NISCH: variants seen among roughly 807,000 people sequenced by gnomAD.
The protein encoded by NISCH is nischarin, also known as I-1 receptor candidate protein.
NISCH carries 55 observed loss-of-function variants against 138.4 expected under a neutral mutation model. The observed-to-expected ratio is 0.40, with a 90% CI of 0.32 to 0.50. The LOEUF (loss-of-function observed/expected upper bound fraction) is 0.50, where lower values mean the gene tolerates loss of function less well. NISCH is among the 20% of genes least tolerant of loss of function. The pLI, the probability that NISCH is intolerant of heterozygous loss-of-function variation, is 0.71. For synonymous variants in NISCH, 860 were observed against 861.5 expected (o/e 1.00, Z 0.03); for missense variants, 1,643 against 2,005.5 (o/e 0.82, Z 3.45).
intron 6 of NISCH, 58 bp downstream of exon 6, chr3:52,472,456 T>C: frequency 6.9e-7 from 1 of 1,453,354 alleles, no homozygotes; most frequent in Non-Finnish European, 9.7e-7. Flanking sequence ...TAGAGAGTGT[T>C]TGTGATGTTG....
At chr3:52,481,340 A>C (rs1036996301) in intron 13 of NISCH, 1 of 996,584 alleles carries the variant, frequency 1.0e-6, no homozygotes, top group African/African-American at 1.7e-5. Context: ...AGAGCAGCAC[A>C]CTGAGGTCAC....
At chr3:52,469,224 C>G (rs183279022) in intron 3 of NISCH, among the ~76,000 whole-genome samples, 6 of 152,216 alleles carry the variant, frequency 3.9e-5, no homozygotes, top group Non-Finnish European at 2.9e-5. Flanking sequence ...TACGAAAAGG[C>G]CTGTTGGCTG....
At chr3:52,489,292 C>A in intron 16 of NISCH, 44 bp from the exon 17 acceptor site, 1 of 1,579,592 alleles carries the variant, frequency 6.3e-7, no homozygotes, top group Non-Finnish European at 8.6e-7. Context: ...TGTGAATCTT[C>A]ATTTGGGGTC....
chr3:52,466,159 C>T (rs1706774176), intron 3 of NISCH, among the ~76,000 whole-genome samples: 1 of 152,288 alleles, frequency 6.6e-6, no homozygotes, highest in South Asian at 2.1e-4. Context: ...TTGCAACTCT[C>T]TTCAGTTAAA....
At chr3:52,482,426 A>T (rs901987860) in intron 13 of NISCH, among the ~76,000 whole-genome samples, 1 of 152,170 alleles carries the variant, frequency 6.6e-6, no homozygotes, top group Admixed American at 6.6e-5. Flanking sequence ...AGCCAGGCCC[A>T]GGGGCTGAGA....
chr3:52,455,805 G>T, intron 1 of NISCH, 71 bp downstream of exon 1: 1 of 1,141,866 alleles, frequency 8.8e-7, no homozygotes. Context: ...GGGGGCTTGG[G>T]GAGGGGTCCG....
In NISCH at chr3:52,488,363, C is replaced by A. The variant is rs1394808110; in HGVS notation, c.2871C>A (p.Arg957=). 1.9e-6 allele frequency: 3 copies of A among 1,613,608 alleles called. No homozygotes were observed. In the African/African-American group the frequency reaches 4.0e-5, roughly 22 times the overall value. ...CCACCGTGCTGCTGGACCCCACACG[C>A]AGCTGTACCCAGCCTCGGGGCGCCT... ...PLSTVLLDPT[R]SCTQPRGAFA... The change falls in exon 16 of 21, where the codon CGC becomes CGA. Residue 957 remains arginine, a synonymous_variant. Coordinates refer to ENST00000345716, the MANE Select transcript of NISCH (RefSeq NM_007184.4).
In NISCH at chr3:52,490,317, T is replaced by G; in HGVS notation, c.3613+86T>G. On this transcript the variant is annotated intron_variant, in intron 18 of 20. Coordinates refer to ENST00000345716, the MANE Select transcript of NISCH (RefSeq NM_007184.4). ...GGGTCATTCTCTGGAGCCAGCTGTG[T>G]GGCTTCAGGCAGCAGTCAGCGACTT... 3 of 1,489,744 alleles carry G rather than the reference T, an allele frequency of 2.0e-6. No homozygotes were observed. The South Asian group carries it at 3.5e-5, about 17-fold the overall frequency. The allele number at this position is 1,489,744 out of a possible 1,614,324, so 92.3% of individuals were successfully genotyped here.
rs374298617 is a variant in NISCH, at chr3:52,487,316, A to T, written c.1824A>T (p.Thr608=). Residue 608 remains threonine, a synonymous_variant, in exon 16 of 21, where the codon ACA becomes ACT. Transcript: ENST00000345716. This position sits in a 1 kb window ranked among gnomAD's most constrained non-coding sequence, Gnocchi z 9.1. ...TNQDFIQRLS[T]LIRQAIERQL... Reference sequence around the variant, plus strand: ...AGGACTTCATCCAGCGCCTGAGCACACTGATCCGGCAGGCCATCGAGCGGC... The same window carrying T: ...AGGACTTCATCCAGCGCCTGAGCACTCTGATCCGGCAGGCCATCGAGCGGC... 1 of 1,614,152 alleles carries T rather than the reference A, an allele frequency of 6.2e-7. No homozygotes were observed. The highest frequency in any genetic ancestry group is 8.5e-7 in the Non-Finnish European group (1 of 1,180,046).
At chr3:52,462,980 A>C (rs1706679076) in intron 3 of NISCH, among the ~76,000 whole-genome samples, 1 of 152,184 alleles carries the variant, frequency 6.6e-6, no homozygotes, top group African/African-American at 2.4e-5. Flanking sequence ...ACATACCATA[A>C]AATTAACTTT....
chr3:52,480,075 T>C, intron 12 of NISCH, 109 bp from the exon 13 acceptor site: 1 of 1,265,558 alleles, frequency 7.9e-7, no homozygotes, highest in Non-Finnish European at 1.1e-6. Flanking sequence ...TGAGACCATC[T>C]TTACCACCCA....
intron 13 of NISCH, chr3:52,481,714 A>G (rs1707280042): frequency 2.0e-6 from 2 of 985,510 alleles, no homozygotes; most frequent in Non-Finnish European, 2.4e-6. Flanking sequence ...GGGATGCACC[A>G]TGTCCCCAGG....
Position 52,488,608 on chromosome 3 carries a change from G to C in NISCH, c.3113+3G>C. ...CAGCCTGCCGAGCGCAGGGCCAGGT[G>C]AGATCAAGCACAGCTCTCAGGGGCC... On this transcript the variant is annotated splice_donor_region_variant and intron_variant, in intron 16 of 20. Transcript: ENST00000345716. 7 of 1,605,632 alleles carry C rather than the reference G, an allele frequency of 4.4e-6. No homozygotes were observed. Among genetic ancestry groups the C allele is most frequent in the Non-Finnish European group, 6.0e-6 (7 of 1,175,696 alleles).
chr3:52,480,108 C>T, intron 12 of NISCH, 76 bp from the exon 13 acceptor site: 5 of 1,545,114 alleles, frequency 3.2e-6, no homozygotes, highest in Admixed American at 1.7e-5. Flanking sequence ...CGTTGCGCTC[C>T]CTCCTCACAC....
chr3:52,481,494 C>T lies in NISCH; in HGVS notation c.1528+1199C>T, dbSNP rs1035988710. 9.1e-6 allele frequency: 9 copies of T among 985,348 alleles called. No homozygotes were observed. In the Admixed American group the frequency reaches 1.8e-4, roughly 20 times the overall value. 61.0% of individuals were successfully genotyped at this position (985,348 alleles called of 1,614,324 possible). ...CATAAAAGCCAGGGAGGTTATATCA[C>T]GGTGAGAAAGCTTCCCTGACGCTGC... On this transcript the variant is annotated intron_variant, in intron 13 of 20. Coordinates refer to ENST00000345716, the MANE Select transcript of NISCH (RefSeq NM_007184.4).
chr3:52,487,687 C>A lies in NISCH; in HGVS notation c.2195C>A (p.Thr732Asn), dbSNP rs753113947. ...CAGTTCGCCGCCTGCCTTGTGCTCA[C>A]CGACTTCGGCATCGCAGTCTTCGAG... is the stretch of plus-strand genomic sequence containing the variant. ...IRQFAACLVLTDFGIAVFEIP... is the reference protein window; with the variant it reads ...IRQFAACLVLNDFGIAVFEIP... The change falls in exon 16 of 21, where the codon ACC becomes AAC. Residue 732 changes from threonine to asparagine, a missense_variant. Thr to Asn is a moderately conservative substitution (Grantham distance 65). Transcript: ENST00000345716. This position sits in a 1 kb window ranked among gnomAD's most constrained non-coding sequence, Gnocchi z 9.1. 2 of 1,613,764 alleles carry A rather than the reference C, an allele frequency of 1.2e-6. No homozygotes were observed.
intron 13 of NISCH, chr3:52,480,635 A>G: frequency 7.0e-7 from 1 of 1,425,224 alleles, no homozygotes; most frequent in Non-Finnish European, 9.1e-7. Context: ...CGGCAGCACA[A>G]GCAGGTTGGC....
chr3:52,465,477 C>T (rs1444549751), intron 3 of NISCH, among the ~76,000 whole-genome samples: 3 of 152,160 alleles, frequency 2.0e-5, no homozygotes. Flanking sequence ...ACTTGTTTAC[C>T]AGCCCACTTT....
chr3:52,484,255 T>G (rs1365519219), intron 13 of NISCH: 4 of 436,310 alleles, frequency 9.2e-6, no homozygotes, highest in African/African-American at 1.9e-5. Flanking sequence ...TAGTCACATC[T>G]CAGTTTTTTT....
Sources: gnomAD v4.1 joint callset for allele counts (sites outside exome capture counted in the v4.1 genomes callset) on GRCh38, gnomAD v4.1.1 for gene constraint, Gnocchi (gnomAD v3.1) non-coding constraint, MANE v1.5 for transcripts, NCBI Gene and HGNC (gene_info 2026-07-23, HGNC 2026-07-21) for gene names.